The following BTNL9 variants were observed in gnomAD, a reference collection of about 807,000 sequenced individuals.
BTNL9 encodes the protein butyrophilin-like protein 9.
A neutral mutation model predicts 45.8 loss-of-function variants in BTNL9; 45 were observed. The ratio of observed to expected loss-of-function variants is 0.98; its 90% CI spans 0.77 to 1.26. The LOEUF (loss-of-function observed/expected upper bound fraction) is 1.26. BTNL9 is among the 50% of genes most tolerant of loss of function. BTNL9 has a pLI of 0.00. For synonymous variants in BTNL9, 346 were observed against 330.8 expected, an observed-to-expected ratio of 1.05 and a Z score of -0.50; for missense variants, 784 against 729.7, an observed-to-expected ratio of 1.07 and a Z score of -0.86.
intron 10 of BTNL9, 125 bp from the exon 11 acceptor site, chr5:181,059,112 C>A: frequency 7.2e-7 from 1 of 1,386,194 alleles, no homozygotes; most frequent in Non-Finnish European, 9.3e-7. Context: ...GGGTGAGGGT[C>A]GGGGTAAGGG....
chr5:181,044,353 C>T (rs771419961), intron 1 of BTNL9, among the ~76,000 whole-genome samples: 3 of 152,244 alleles, frequency 2.0e-5, no homozygotes, highest in Non-Finnish European at 2.9e-5. Flanking sequence ...AAAGCCAAGC[C>T]GTGGGGGCCG....
chr5:181,061,490 T>A lies in BTNL9; in HGVS notation c.*1628T>A, dbSNP rs761407365. On this transcript the variant is annotated 3_prime_UTR_variant, in exon 11 of 11. Coordinates refer to ENST00000327705, the MANE Select transcript of BTNL9 (RefSeq NM_152547.5). ...TGTTCAATAATGTATATGTATCAGT[T>A]CTGTAATAAAGGGGAAAACACTTTT... The A allele has an allele frequency of 1.3e-5, 2 of 152,254 alleles. No homozygotes were observed. The highest frequency in any genetic ancestry group is 2.9e-5 in the Non-Finnish European group (2 of 68,052). The allele number at this position is 152,254 out of a possible 1,614,324, so 9.4% of individuals were successfully genotyped here.
intron 3 of BTNL9, among the ~76,000 whole-genome samples, chr5:181,048,639 G>T (rs1761324028): frequency 6.6e-6 from 1 of 150,550 alleles, no homozygotes; most frequent in African/African-American, 2.4e-5. Context: ...TCAGGGGGGT[G>T]AGGTGGAAGG....
chr5:181,045,043 T>C (rs1761018392), intron 1 of BTNL9, among the ~76,000 whole-genome samples: 1 of 152,088 alleles, frequency 6.6e-6, no homozygotes, highest in Admixed American at 6.6e-5. Flanking sequence ...GAAGGTTGGG[T>C]TGGTGGTGGT....
In BTNL9 at chr5:181,059,356, TCGGAG is replaced by T. The variant is rs1302344736; in HGVS notation, c.1104_1108del (p.Glu369AspfsTer138). On this transcript the variant is annotated frameshift_variant, in exon 11 of 11. Coordinates refer to ENST00000327705, the MANE Select transcript of BTNL9 (RefSeq NM_152547.5). LOFTEE classifies it low-confidence loss of function (END_TRUNC). Reference sequence around the variant, plus strand: ...GGCGCCTGGCCACCCGCAGCGGTTCTCGGAGCAGACGTGCGCGCTGAGCCTGGAGC... The same window carrying T: ...GGCGCCTGGCCACCCGCAGCGGTTCTCAGACGTGCGCGCTGAGCCTGGAGC... 1 of 1,541,744 alleles carries T rather than the reference TCGGAG, an allele frequency of 6.5e-7. No individual in the cohort carries two copies. The highest frequency in any genetic ancestry group is 8.7e-7 in the Non-Finnish European group (1 of 1,146,254).
chr5:181,054,037 G>T, intron 6 of BTNL9: 1 of 1,543,746 alleles, frequency 6.5e-7, no homozygotes, highest in Non-Finnish European at 8.7e-7. Flanking sequence ...CTCCTATGCA[G>T]AAGGGCAGCC....
rs1465466312 is a variant in BTNL9, at chr5:181,059,378, G to T, written c.1124G>T (p.Ser375Ile). The change falls in exon 11 of 11, where the codon AGC (serine) becomes ATC (isoleucine). Residue 375 changes from serine (S) to isoleucine (I), a missense_variant. Coordinates refer to ENST00000327705, the MANE Select transcript of BTNL9 (RefSeq NM_152547.5). ...TTCTCGGAGCAGACGTGCGCGCTGA[G>T]CCTGGAGCGGTTCTCCGCCGGCCGC... ...QRFSEQTCAL[S>I]LERFSAGRHY... 11 of 1,531,406 alleles carry T rather than the reference G, an allele frequency of 7.2e-6. No homozygotes were observed. Among genetic ancestry groups the T allele is most frequent in the South Asian group, 6.0e-5 (5 of 83,052 alleles). The allele number at this position is 1,531,406 out of a possible 1,614,324, so 94.9% of individuals were successfully genotyped here.
rs10434809 is a variant in BTNL9 at position 181,060,137 on chromosome 5, C to T, written c.*275C>T. On this transcript the variant is annotated 3_prime_UTR_variant, in exon 11 of 11. Coordinates refer to ENST00000327705, the MANE Select transcript of BTNL9 (RefSeq NM_152547.5). ...TCAGAGCTGGGGTGCTCACGGTGGG[C>T]GGTGGGCAAGAAGCCAGCATGGAAG... 0.46 allele frequency: 195,582 copies of T among 420,876 alleles called. 46,114 individuals are homozygous for T. The highest frequency in any genetic ancestry group is 0.56 in the East Asian group (15,254 of 27,362). 26.1% of individuals were successfully genotyped at this position (420,876 alleles called of 1,614,324 possible).
rs539281059 is a variant in BTNL9 at position 181,053,019 on chromosome 5, GC to G, written c.737-180del. 7,310 of 142,234 alleles carry G rather than the reference GC, an allele frequency of 0.051. 238 individuals carry two copies. Among genetic ancestry groups the G allele is most frequent in the African/African-American group, 0.13 (3,698 of 27,848 alleles). The allele number at this position is 142,234 out of a possible 1,614,324, so 8.8% of individuals were successfully genotyped here. On this transcript the variant is annotated intron_variant, in intron 4 of 10. Transcript: ENST00000327705. This position sits in a 1 kb window ranked among gnomAD's most constrained non-coding sequence, Gnocchi z 6.5. ...GCGGCGCGCCCCCGCCCCCTCCGCC[GC>G]GCGCGCCCCCGCCCCCTCCGCCGCG...
intron 1 of BTNL9, among the ~76,000 whole-genome samples, chr5:181,044,969 C>A (rs1761012623): frequency 6.6e-6 from 1 of 152,214 alleles, no homozygotes; most frequent in African/African-American, 2.4e-5. Flanking sequence ...TCTGAGAGAG[C>A]AGAACTCTGT....
intron 7 of BTNL9, chr5:181,054,723 A>T: frequency 1.0e-6 from 1 of 985,182 alleles, no homozygotes; most frequent in Non-Finnish European, 1.2e-6. Flanking sequence ...GGGGGAATGG[A>T]GGAAAAGGCC....
At position 181,050,143 on chromosome 5, in the gene BTNL9, G is replaced by C. The variant is rs765100333; in HGVS notation, c.510G>C (p.Gln170His). The part of the protein sequence containing the change: ...SLEGFKEGGI[Q>H]LRLRSSGWYP... ...AGGGCTTCAAGGAAGGAGGCATTCA[G>C]CTGAGGCTCAGATCCAGTGGCTGGT... The change falls in exon 4 of 11, where the codon CAG becomes CAC. Residue 170 changes from glutamine (Q) to histidine (H), a missense_variant. Coordinates refer to ENST00000327705, the MANE Select transcript of BTNL9 (RefSeq NM_152547.5). The surrounding 1 kb of genome is among the most constrained non-coding windows in gnomAD (Gnocchi z 4.9). 1.2e-6 allele frequency: 2 copies of C among 1,614,130 alleles called. No individual in the cohort carries two copies. Among genetic ancestry groups the C allele is most frequent in the Non-Finnish European group, 1.7e-6 (2 of 1,180,040 alleles).
chr5:181,049,794 T>C (rs908209488), intron 3 of BTNL9, among the ~76,000 whole-genome samples: 5 of 152,226 alleles, frequency 3.3e-5, no homozygotes, highest in African/African-American at 1.2e-4. Context: ...TTCTTCATTC[T>C]AGGGAAACTG....
intron 1 of BTNL9, among the ~76,000 whole-genome samples, chr5:181,041,387 AG>A (rs1760768734): frequency 6.6e-6 from 1 of 152,244 alleles, no homozygotes; most frequent in African/African-American, 2.4e-5. Flanking sequence ...CAATAGAGTA[AG>A]TAAGAGTGAG....
At chr5:181,054,038 A>G in intron 6 of BTNL9, 1 of 1,543,428 alleles carries the variant, frequency 6.5e-7, no homozygotes, top group South Asian at 1.2e-5. Flanking sequence ...TCCTATGCAG[A>G]AGGGCAGCCA....
chr5:181,059,029 G>C (rs966341641), intron 10 of BTNL9: 7 of 405,298 alleles, frequency 1.7e-5, no homozygotes, highest in African/African-American at 1.5e-4. Context: ...GAAAGGACAG[G>C]ATTCCTTGTC....
Position 181,053,865 on chromosome 5 carries a change from G to A in BTNL9, c.886+364G>A, listed in dbSNP as rs1035639183. ...AGCGCACAGGGAGTCGGGCGGATGC[G>A]CAACATCTCCGCACAGGGTCAGGAA... On this transcript the variant is annotated intron_variant, in intron 6 of 10. Coordinates refer to ENST00000327705, the MANE Select transcript of BTNL9 (RefSeq NM_152547.5). This position sits in a 1 kb window ranked among gnomAD's most constrained non-coding sequence, Gnocchi z 6.5. 2 of 1,504,740 alleles carry A rather than the reference G, an allele frequency of 1.3e-6. No homozygotes were observed. Among genetic ancestry groups the A allele is most frequent in the Non-Finnish European group, 1.8e-6 (2 of 1,127,044 alleles). The allele number at this position is 1,504,740 out of a possible 1,614,324, so 93.2% of individuals were successfully genotyped here.
At position 181,050,044 on chromosome 5, in the gene BTNL9, C is replaced by A; in HGVS notation, c.455-44C>A. ...GTGGCAGGAATGTTATGCGTGATTT[C>A]TCAGAAGAAGCCTGACCTTTCCCAC... On this transcript the variant is annotated intron_variant, in intron 3 of 10. Coordinates refer to ENST00000327705, the MANE Select transcript of BTNL9 (RefSeq NM_152547.5). The surrounding 1 kb of genome is among the most constrained non-coding windows in gnomAD (Gnocchi z 4.9). The A allele has an allele frequency of 6.3e-7, 1 of 1,580,734 alleles. No homozygotes were observed. The highest frequency in any genetic ancestry group is 1.2e-5 in the South Asian group (1 of 86,218).
chr5:181,053,792 C>G lies in BTNL9; in HGVS notation c.886+291C>G, dbSNP rs1162382534. 6.6e-7 allele frequency: 1 copy of G among 1,521,040 alleles called. No homozygotes were observed. The highest frequency in any genetic ancestry group is 8.8e-7 in the Non-Finnish European group (1 of 1,137,460). 94.2% of individuals were successfully genotyped at this position (1,521,040 alleles called of 1,614,324 possible). ...TTCACATCACACTGTACAGAGGGAG[C>G]GGTGACCAGGGTCTCTGCTGCCAGC... is the stretch of plus-strand genomic sequence containing the variant. On this transcript the variant is annotated intron_variant, in intron 6 of 10. Transcript: ENST00000327705. The surrounding 1 kb of genome is among the most constrained non-coding windows in gnomAD (Gnocchi z 6.5).
Sources: allele counts gnomAD v4.1 joint callset (sites outside exome capture counted in the v4.1 genomes callset), GRCh38; gene constraint gnomAD v4.1.1; non-coding constraint Gnocchi (gnomAD v3.1); transcripts MANE v1.5; gene names NCBI Gene and HGNC (gene_info 2026-07-23, HGNC 2026-07-21).